DCT: variants seen among roughly 807,000 people sequenced by gnomAD.
The protein encoded by DCT is L-dopachrome tautomerase.
A neutral mutation model predicts 53.0 loss-of-function variants in DCT; 47 were observed. The observed-to-expected ratio is 0.89, with a 90% CI of 0.70 to 1.13. The LOEUF is 1.13. Among genes scored for constraint, DCT ranks in the 50% most tolerant of loss-of-function variants. DCT has a pLI of 0.00. For synonymous variants in DCT, 244 were observed against 237.0 expected (o/e 1.03, Z -0.27); for missense variants, 669 against 637.4 (o/e 1.05, Z -0.53).
chr13:94,465,968 T>TA (rs1884168688), intron 3 of DCT, among the ~76,000 whole-genome samples, 169 bp from the exon 4 acceptor site: 1 of 77,828 alleles, frequency 1.3e-5, no homozygotes, highest in African/African-American at 5.7e-5. Flanking sequence ...TGTGTATATT[T>TA]TATATATATA....
At position 94,462,095 on chromosome 13, in the gene DCT, G is replaced by C. The variant is rs774224411; in HGVS notation, c.958C>G (p.Pro320Ala). 1.2e-5 allele frequency: 20 copies of C among 1,612,734 alleles called. No homozygotes were observed. Among genetic ancestry groups the C allele is most frequent in the Non-Finnish European group, 1.7e-5 (20 of 1,179,480 alleles). ...NQMGRNSMKL[P>A]TLKDIRDCLS... The stretch of plus-strand genomic sequence containing the variant: ...CAATCTCGTATGTCTTTTAAGGTTG[G>C]CAATTTCATGCTGTTTCTTCCCATT... Residue 320 changes from proline to alanine, a missense_variant, in exon 5 of 8, where the codon CCA (proline) becomes GCA (alanine). Transcript: ENST00000377028.
chr13:94,480,364 G>A (rs1885388965), upstream of DCT, among the ~76,000 whole-genome samples: 1 of 152,156 alleles, frequency 6.6e-6, no homozygotes, highest in Non-Finnish European at 1.5e-5. Flanking sequence ...GGTGCTTCTG[G>A]AGAATGGTCA....
the DCT span, among the ~76,000 whole-genome samples, chr13:94,548,019 G>A: frequency 7.3e-5 from 10 of 137,772 alleles, no homozygotes; most frequent in Admixed American, 5.7e-4. Flanking sequence ...TCTGGGTGAG[G>A]ACCCACTGCT....
the DCT span, among the ~76,000 whole-genome samples, chr13:94,496,420 C>G: frequency 6.6e-6 from 1 of 152,092 alleles, no homozygotes; most frequent in Non-Finnish European, 1.5e-5. Flanking sequence ...TCTCCAACTC[C>G]TGGCCTCAAG....
At chr13:94,476,374 A>G (rs1885086025) in intron 1 of DCT, among the ~76,000 whole-genome samples, 1 of 151,788 alleles carries the variant, frequency 6.6e-6, no homozygotes, top group Non-Finnish European at 1.5e-5. Flanking sequence ...GCTGGTAACA[A>G]AAAGAGTTTA....
At chr13:94,511,825 AGTGTGTGTGTGTGTGTGTGTGTGT>A in the DCT span, among the ~76,000 whole-genome samples, 1 of 143,706 alleles carries the variant, frequency 7.0e-6, no homozygotes, top group African/African-American at 2.5e-5. Context: ...CAGCATTGTC[AGTGTGTGTGTGTGTGTGTGTGTGT>A]GTGTGTGTGT....
chr13:94,459,299 T>C (rs552879761), intron 6 of DCT, among the ~76,000 whole-genome samples: 2 of 152,348 alleles, frequency 1.3e-5, no homozygotes, highest in East Asian at 1.9e-4. Flanking sequence ...CTATTTACTG[T>C]CTGTATTATT....
chr13:94,514,758 A>G, the DCT span, among the ~76,000 whole-genome samples: 6 of 152,234 alleles, frequency 3.9e-5, no homozygotes, highest in Admixed American at 2.0e-4. Context: ...CTAGCCTCGC[A>G]TGGCAGGCAA....
rs536855669 is a variant in DCT at position 94,436,900 on chromosome 13, G to A, written c.*2998C>T. 7.9e-5 allele frequency: 12 copies of A among 152,292 alleles called. No homozygotes were observed. The South Asian group carries it at 2.5e-3, about 32-fold the overall frequency. 9.4% of individuals were successfully genotyped at this position (152,292 alleles called of 1,614,324 possible). ...AAGTAAGGCACTATAGAAATAGGAA[G>A]AGCTTCAACCTTAGAGTCTCCAACA... On this transcript the variant is annotated 3_prime_UTR_variant, in exon 8 of 8. Coordinates refer to ENST00000377028, the MANE Select transcript of DCT (RefSeq NM_001922.5).
chr13:94,481,977 G>A (rs1455613337), upstream of DCT, among the ~76,000 whole-genome samples: 1 of 152,218 alleles, frequency 6.6e-6, no homozygotes, highest in Non-Finnish European at 1.5e-5. Flanking sequence ...ACAGATCCGT[G>A]AATGGTGTGT....
chr13:94,510,682 C>G, the DCT span, among the ~76,000 whole-genome samples: 51 of 152,340 alleles, frequency 3.3e-4, no homozygotes, highest in African/African-American at 1.0e-3. Context: ...GCTTTAGACA[C>G]TCCTGCTGAG....
intron 1 of DCT, among the ~76,000 whole-genome samples, chr13:94,478,311 G>A (rs56111318): frequency 0.052 from 7,838 of 151,962 alleles, 295 homozygotes; most frequent in Non-Finnish European, 0.078. Flanking sequence ...GTGAAACCCC[G>A]TCTCGAAATA....
At chr13:94,501,789 G>A in the DCT span, among the ~76,000 whole-genome samples, 1 of 152,068 alleles carries the variant, frequency 6.6e-6, no homozygotes, top group African/African-American at 2.4e-5. Context: ...TCACAATGTG[G>A]CGCACTAGGT....
the DCT span, among the ~76,000 whole-genome samples, chr13:94,525,021 C>A: frequency 6.6e-6 from 1 of 152,164 alleles, no homozygotes; most frequent in African/African-American, 2.4e-5. Context: ...AGCTAGGGAA[C>A]AGATTCTTCC....
chr13:94,500,412 A>G, the DCT span, among the ~76,000 whole-genome samples: 1 of 152,340 alleles, frequency 6.6e-6, no homozygotes, highest in South Asian at 2.1e-4. Context: ...ACAGTATGGG[A>G]GAAACCACTC....
At chr13:94,510,858 A>G in the DCT span, among the ~76,000 whole-genome samples, 1 of 152,184 alleles carries the variant, frequency 6.6e-6, no homozygotes, top group African/African-American at 2.4e-5. Flanking sequence ...GAGCATCAAC[A>G]TCTACTTGTC....
the DCT span, among the ~76,000 whole-genome samples, chr13:94,488,863 TAC>T: frequency 1.3e-5 from 1 of 74,188 alleles, no homozygotes; most frequent in Non-Finnish European, 3.4e-5. Context: ...TACACATACA[TAC>T]ACACACATAC....
intron 7 of DCT, among the ~76,000 whole-genome samples, chr13:94,440,676 GTT>G (rs761688508): frequency 3.1e-5 from 3 of 98,052 alleles, no homozygotes; most frequent in Admixed American, 1.4e-4. Flanking sequence ...TCATTTTTTG[GTT>G]TTTTTTTTTT....
chr13:94,549,342 C>CG, the DCT span, among the ~76,000 whole-genome samples: 1 of 152,236 alleles, frequency 6.6e-6, no homozygotes, highest in African/African-American at 2.4e-5. Context: ...CCCCAGGCGG[C>CG]GCGCGGCCCC....
Sources: allele counts gnomAD v4.1 joint callset (sites outside exome capture counted in the v4.1 genomes callset), GRCh38; gene constraint gnomAD v4.1.1; transcripts MANE v1.5; gene names NCBI Gene and HGNC (gene_info 2026-07-23, HGNC 2026-07-21).